Variants in SPACA7 observed in about 807,000 individuals in gnomAD.
The protein encoded by SPACA7 is sperm acrosome-associated protein 7.
SPACA7 carries 19 observed loss-of-function variants against 26.3 expected under a neutral mutation model. That is an observed-to-expected ratio of 0.72 (90% CI 0.50 to 1.06). The LOEUF is 1.06. Ranked by LOEUF, SPACA7 falls within the 50% of genes least tolerant of loss-of-function variation. SPACA7 has a pLI of 0.00. For missense variants in SPACA7, 211 were observed against 229.9 expected (o/e 0.92, Z 0.53); for synonymous variants, 84 against 84.5 (o/e 0.99, Z 0.04).
At chr13:112,397,192 G>A (rs562674208) in intron 2 of SPACA7, among the ~76,000 whole-genome samples, 3 of 152,224 alleles carry the variant, frequency 2.0e-5, no homozygotes, top group East Asian at 3.9e-4. Flanking sequence ...CTTTACCCTC[G>A]AATTCTGCAT....
At chr13:112,399,031 C>T (rs1260959095) in intron 3 of SPACA7, 35 bp from the exon 4 acceptor site, 1 of 1,376,838 alleles carries the variant, frequency 7.3e-7, no homozygotes, top group East Asian at 2.3e-5. Flanking sequence ...ATCAAGAAAA[C>T]TTTTCCCCAT....
At chr13:112,409,867 T>C (rs9603892) in intron 5 of SPACA7, among the ~76,000 whole-genome samples, 12,427 of 152,154 alleles carry the variant, frequency 0.082, 1,109 homozygotes, top group East Asian at 0.28. Context: ...CATTAGTGGG[T>C]ATATACCCAA....
At chr13:112,419,027 AAAAAAC>A (rs2139037007) in intron 5 of SPACA7, among the ~76,000 whole-genome samples, 1 of 152,066 alleles carries the variant, frequency 6.6e-6, no homozygotes, top group South Asian at 2.1e-4. Context: ...CATTTAAAAA[AAAAAAC>A]AAAAAACAAT....
intron 1 of SPACA7, among the ~76,000 whole-genome samples, chr13:112,391,519 C>T (rs962465866): frequency 6.6e-6 from 1 of 152,172 alleles, no homozygotes; most frequent in African/African-American, 2.4e-5. Context: ...CGGAGGCCAG[C>T]GTGTGCACGA....
In SPACA7 at chr13:112,417,674, C is replaced by T. The variant is rs148578976; in HGVS notation, c.446-14770C>T. 8.5e-5 allele frequency among the ~76,000 whole-genome samples: 13 copies of T among 152,116 alleles called. No individual in the cohort carries two copies. In the East Asian group the frequency reaches 2.1e-3, roughly 25 times the overall value. On this transcript the variant is annotated intron_variant, in intron 5 of 6. Transcript: ENST00000283550. ...GCTTTTTAAGTTCTTTCTCTGTAGC[C>T]CTTTCTCTGATCTACCCAGGACCCA... is the stretch of plus-strand genomic sequence containing the variant.
chr13:112,396,496 T>A (rs1192257911), intron 2 of SPACA7, among the ~76,000 whole-genome samples: 3 of 152,138 alleles, frequency 2.0e-5, no homozygotes, highest in Admixed American at 6.5e-5. Flanking sequence ...CTGGCTGGAA[T>A]GGGGTAGAGA....
At chr13:112,396,831 TG>T (rs906868846) in intron 2 of SPACA7, among the ~76,000 whole-genome samples, 24 of 152,188 alleles carry the variant, frequency 1.6e-4, no homozygotes, top group African/African-American at 5.8e-4. Context: ...GAGGTTGTCC[TG>T]GCCTCTCCTC....
chr13:112,383,116 AAAAGAAAAGAAAGAAAGAAAGAAAG>A (rs869191584), intron 1 of SPACA7, among the ~76,000 whole-genome samples: 4,022 of 33,650 alleles, frequency 0.12, 260 homozygotes, highest in Admixed American at 0.14. Context: ...AAAAGAAAAG[AAAAGAAAAGAAAGAAAGAAAGAAAG>A]AAAGAAAGAA....
chr13:112,415,558 C>CA (rs1322801714), intron 5 of SPACA7, among the ~76,000 whole-genome samples: 2 of 152,042 alleles, frequency 1.3e-5, no homozygotes, highest in African/African-American at 2.4e-5. Flanking sequence ...GGTTCCAATG[C>CA]AAAGGCCCCT....
intron 5 of SPACA7, among the ~76,000 whole-genome samples, chr13:112,414,642 G>A (rs111378301): frequency 0.033 from 5,051 of 151,890 alleles, 93 homozygotes; most frequent in Middle Eastern, 0.068. Flanking sequence ...AACTCCTGAC[G>A]TCAAGTGATC....
chr13:112,428,021 T>C (rs1376373262), intron 5 of SPACA7, among the ~76,000 whole-genome samples: 3 of 152,172 alleles, frequency 2.0e-5, no homozygotes, highest in South Asian at 2.1e-4. Context: ...TTAATTATAG[T>C]GATTTCTTCT....
chr13:112,434,423 C>T, intron 6 of SPACA7, 62 bp from the exon 7 acceptor site: 1 of 1,405,858 alleles, frequency 7.1e-7, no homozygotes, highest in Non-Finnish European at 9.9e-7. Flanking sequence ...TCGATCCTGC[C>T]AGTGCCTCCA....
At chr13:112,424,524 G>C (rs4907703) in intron 5 of SPACA7, among the ~76,000 whole-genome samples, 94,354 of 151,902 alleles carry the variant, frequency 0.62, 29,825 homozygotes, top group African/African-American at 0.74. Context: ...GGGGCTTGGT[G>C]CTTTTCATTA....
chr13:112,402,304 G>A (rs1467087602), intron 5 of SPACA7, among the ~76,000 whole-genome samples: 1 of 152,122 alleles, frequency 6.6e-6, no homozygotes, highest in Non-Finnish European at 1.5e-5. Flanking sequence ...CTTGCTATTA[G>A]AAGCAAGATT....
At chr13:112,404,978 CTTTTT>C (rs373253878) in intron 5 of SPACA7, among the ~76,000 whole-genome samples, 3 of 94,264 alleles carry the variant, frequency 3.2e-5, no homozygotes, top group African/African-American at 4.4e-5. Context: ...GTATTCTCTT[CTTTTT>C]TTTTTTTTTT....
chr13:112,387,593 AT>A (rs1309618997), intron 1 of SPACA7, among the ~76,000 whole-genome samples: 2 of 152,196 alleles, frequency 1.3e-5, no homozygotes, highest in African/African-American at 4.8e-5. Context: ...GAGACCAGAA[AT>A]TTGGCTGGTA....
chr13:112,398,775 C>T (rs959160994), intron 3 of SPACA7, among the ~76,000 whole-genome samples: 3 of 152,160 alleles, frequency 2.0e-5, no homozygotes, highest in African/African-American at 4.8e-5. Context: ...AAAGTGTATT[C>T]GGCAGCAGGA....
At chr13:112,403,428 T>G (rs912960121) in intron 5 of SPACA7, among the ~76,000 whole-genome samples, 2 of 152,206 alleles carry the variant, frequency 1.3e-5, no homozygotes, top group South Asian at 4.1e-4. Flanking sequence ...ATCCAGGGAT[T>G]TTTTTAATTT....
chr13:112,419,245 G>A (rs1208332669), intron 5 of SPACA7, among the ~76,000 whole-genome samples: 1 of 152,148 alleles, frequency 6.6e-6, no homozygotes, highest in African/African-American at 2.4e-5. Flanking sequence ...CCATACAAGT[G>A]GGTAAGAAGT....
Sources: allele counts gnomAD v4.1 joint callset (sites outside exome capture counted in the v4.1 genomes callset), GRCh38; gene constraint gnomAD v4.1.1; transcripts MANE v1.5; gene names NCBI Gene and HGNC (gene_info 2026-07-23, HGNC 2026-07-21).